Variants in LARP1B observed in about 807,000 individuals in gnomAD.
LARP1B encodes the protein La ribonucleoprotein 1B.
LARP1B carries 76 observed loss-of-function variants against 114.2 expected under a neutral mutation model. The ratio of observed to expected loss-of-function variants is 0.67; its 90% CI spans 0.55 to 0.81. The LOEUF (loss-of-function observed/expected upper bound fraction) is 0.81, where lower values mean the gene tolerates loss of function less well. Among genes scored for constraint, LARP1B ranks in the 30% least tolerant of loss-of-function variants. The pLI, the probability that LARP1B is intolerant of heterozygous loss-of-function variation, is 0.00. For synonymous variants in LARP1B, 345 were observed against 348.0 expected, an observed-to-expected ratio of 0.99 and a Z score of 0.10; for missense variants, 1,014 against 1,075.8, an observed-to-expected ratio of 0.94 and a Z score of 0.80.
intron 14 of LARP1B, 61 bp downstream of exon 14, chr4:128,178,703 A>C (rs1304104233): frequency 8.2e-7 from 1 of 1,222,910 alleles, no homozygotes; most frequent in African/African-American, 1.5e-5. Flanking sequence ...TTACAGAATG[A>C]AACGTTTTAG....
At chr4:128,137,820 G>C (rs567796335) in intron 11 of LARP1B, among the ~76,000 whole-genome samples, 1 of 149,132 alleles carries the variant, frequency 6.7e-6, no homozygotes, top group African/African-American at 2.5e-5. Flanking sequence ...TGGTGACAGA[G>C]TTTTGCTTTG....
At chr4:128,061,934 C>G (rs1042233917) in intron 1 of LARP1B, 1 of 985,240 alleles carries the variant, frequency 1.0e-6, no homozygotes, top group South Asian at 4.7e-5. Flanking sequence ...GGCGGCTGTC[C>G]CCGTGAGGCC....
At chr4:128,204,058 C>T (rs1472073121) in intron 17 of LARP1B, among the ~76,000 whole-genome samples, 3 of 152,088 alleles carry the variant, frequency 2.0e-5, no homozygotes, top group Non-Finnish European at 4.4e-5. Flanking sequence ...TACTTTTGGT[C>T]TTTGGAATAG....
rs1239317723 is a variant in LARP1B, at chr4:128,139,844, G to A, written c.1524+17656G>A. On this transcript the variant is annotated intron_variant, in intron 11 of 19. Transcript: ENST00000326639. ...GCAATGTTAAGACATCAGATGGTAA[G>A]TAGAGTTTGGGAGTATTTGGAGCAA... 2.7e-5 allele frequency among the ~76,000 whole-genome samples: 4 copies of A among 150,378 alleles called. No individual in the cohort carries two copies. In the South Asian group the frequency reaches 8.6e-4, roughly 32 times the overall value.
At chr4:128,113,134 A>G (rs1417823921) in intron 9 of LARP1B, among the ~76,000 whole-genome samples, 2 of 152,166 alleles carry the variant, frequency 1.3e-5, no homozygotes, top group African/African-American at 2.4e-5. Flanking sequence ...TATGGTATAC[A>G]TTTTTGAAAA....
intron 11 of LARP1B, among the ~76,000 whole-genome samples, chr4:128,142,216 C>G (rs1192775524): frequency 6.6e-6 from 1 of 152,180 alleles, no homozygotes; most frequent in Non-Finnish European, 1.5e-5. Context: ...AGTTCTGGAC[C>G]AACACCTAAC....
chr4:128,106,934 A>G (rs1782314652), intron 8 of LARP1B, among the ~76,000 whole-genome samples: 3 of 152,206 alleles, frequency 2.0e-5, no homozygotes. Flanking sequence ...CTGAAGTTAA[A>G]TAAGTGGGAG....
intron 3 of LARP1B, among the ~76,000 whole-genome samples, chr4:128,076,837 C>G (rs565111841): frequency 1.3e-4 from 20 of 152,018 alleles, no homozygotes; most frequent in Non-Finnish European, 2.2e-4. Flanking sequence ...GTGACCCCCC[C>G]ACCTCAGCCC....
At chr4:128,152,708 A>G (rs1733438990) in intron 11 of LARP1B, among the ~76,000 whole-genome samples, 1 of 151,616 alleles carries the variant, frequency 6.6e-6, no homozygotes. Flanking sequence ...TAGTGATAGT[A>G]TGGACTCCAA....
At chr4:128,139,596 A>C (rs940531986) in intron 11 of LARP1B, among the ~76,000 whole-genome samples, 7 of 150,842 alleles carry the variant, frequency 4.6e-5, no homozygotes, top group Non-Finnish European at 7.4e-5. Context: ...AAAAAAAAAC[A>C]AAAAAACAGT....
intron 11 of LARP1B, among the ~76,000 whole-genome samples, chr4:128,135,255 A>T (rs1020319429): frequency 6.6e-6 from 1 of 152,162 alleles, no homozygotes; most frequent in Non-Finnish European, 1.5e-5. Flanking sequence ...GTTACCATTT[A>T]AAAAAACACA....
At position 128,091,139 on chromosome 4, in the gene LARP1B, C is replaced by T. The variant is rs199969249; in HGVS notation, c.497C>T (p.Pro166Leu). Residue 166 changes from proline to leucine, a missense_variant, in exon 6 of 20, where the codon CCT becomes CTT. Pro to Leu is a moderately conservative substitution (Grantham distance 98, BLOSUM62 -3). Transcript: ENST00000326639. ...GGAAGAGGACGAGGCAGAGGAAATC[C>T]TCGATGTATGACATAATTTTTGTTT... is the stretch of plus-strand genomic sequence containing the variant. The part of the protein sequence containing the change: ...GRGRGRGRGN[P>L]RLNFDYSYGY... 8.1e-6 allele frequency: 13 copies of T among 1,610,786 alleles called. No homozygotes were observed. In the East Asian group the frequency reaches 2.9e-4, roughly 36 times the overall value.
chr4:128,180,964 T>C (rs1748124445), intron 15 of LARP1B, among the ~76,000 whole-genome samples: 1 of 152,156 alleles, frequency 6.6e-6, no homozygotes, highest in Non-Finnish European at 1.5e-5. Flanking sequence ...TTTAGATGAG[T>C]GTTTGCCAGT....
chr4:128,099,290 C>CTT (rs368079786), intron 8 of LARP1B, among the ~76,000 whole-genome samples: 18 of 137,226 alleles, frequency 1.3e-4, no homozygotes, highest in Admixed American at 2.2e-4. Context: ...TTTTTTCTTT[C>CTT]TTTTTTTTTT....
Position 128,182,692 on chromosome 4 carries a change from G to T in LARP1B, c.2003+3180G>T, listed in dbSNP as rs535152577. Among the ~76,000 whole-genome samples the T allele has an allele frequency of 2.6e-5, 4 of 152,166 alleles. No individual in the cohort carries two copies. In the South Asian group the frequency reaches 8.3e-4, roughly 32 times the overall value. ...TAAGAGTCAAAATTCTTCAAAATTA[G>T]GAATGTCATCATTAATGAGGAAGGC... On this transcript the variant is annotated intron_variant, in intron 15 of 19. Transcript: ENST00000326639.
chr4:128,088,293 C>T (rs997946872), intron 5 of LARP1B, among the ~76,000 whole-genome samples: 1 of 152,128 alleles, frequency 6.6e-6, no homozygotes, highest in African/African-American at 2.4e-5. Flanking sequence ...GTGCACTCTG[C>T]AATTTCATCC....
At chr4:128,154,675 A>G (rs926775338) in intron 11 of LARP1B, among the ~76,000 whole-genome samples, 1 of 152,180 alleles carries the variant, frequency 6.6e-6, no homozygotes, top group African/African-American at 2.4e-5. Flanking sequence ...TATTTGATAA[A>G]TTTTGTGCTC....
At chr4:128,137,770 C>CATATATATAT (rs745646919) in intron 11 of LARP1B, among the ~76,000 whole-genome samples, 4 of 141,318 alleles carry the variant, frequency 2.8e-5, no homozygotes, top group African/African-American at 1.1e-4. Flanking sequence ...TGTGTGTATA[C>CATATATATAT]ATATATATAT....
At chr4:128,126,917 A>G (rs1400828962) in intron 11 of LARP1B, among the ~76,000 whole-genome samples, 1 of 152,020 alleles carries the variant, frequency 6.6e-6, no homozygotes, top group Non-Finnish European at 1.5e-5. Context: ...GGTAGAGAGA[A>G]TGGGGCCAAG....
Sources: gnomAD v4.1 joint callset for allele counts (sites outside exome capture counted in the v4.1 genomes callset) on GRCh38, gnomAD v4.1.1 for gene constraint, MANE v1.5 for transcripts, NCBI Gene and HGNC (gene_info 2026-07-23, HGNC 2026-07-21) for gene names.